Variants in PALM2AKAP2 observed in about 807,000 individuals in gnomAD.
The protein encoded by PALM2AKAP2 is PALM2 and AKAP2 fusion.
In PALM2AKAP2, 37 loss-of-function variants were observed where a neutral mutation model predicts 71.5. The observed-to-expected ratio is 0.52, with a 90% CI of 0.40 to 0.68. The LOEUF (loss-of-function observed/expected upper bound fraction) is 0.68, where lower values mean the gene tolerates loss of function less well. PALM2AKAP2 is among the 30% of genes least tolerant of loss of function. The pLI, the probability that PALM2AKAP2 is intolerant of heterozygous loss-of-function variation, is 0.00. For synonymous variants in PALM2AKAP2, 468 were observed against 478.8 expected, an observed-to-expected ratio of 0.98 and a Z score of 0.29; for missense variants, 1,224 against 1,191.8, an observed-to-expected ratio of 1.03 and a Z score of -0.40.
chr9:109,944,214 G>T (rs1424742711), intron 6 of PALM2AKAP2: 1 of 152,134 alleles, frequency 6.6e-6, no homozygotes, highest in Non-Finnish European at 1.5e-5. Context: ...AGTAGCAATT[G>T]ATCTCCAAAC....
intron 1 of PALM2AKAP2, among the ~76,000 whole-genome samples, chr9:109,823,790 G>A (rs1413243145): frequency 6.6e-6 from 1 of 152,190 alleles, no homozygotes; most frequent in African/African-American, 2.4e-5. Flanking sequence ...GTAAATAGAA[G>A]TTTGAGTGCT....
At chr9:110,012,942 C>T (rs1292453916) in intron 6 of PALM2AKAP2, among the ~76,000 whole-genome samples, 1 of 152,204 alleles carries the variant, frequency 6.6e-6, no homozygotes, top group Non-Finnish European at 1.5e-5. Flanking sequence ...ATACTTGATC[C>T]ATAATGATTT....
At chr9:109,661,625 T>C (rs953876519) in intron 1 of PALM2AKAP2, among the ~76,000 whole-genome samples, 6 of 152,226 alleles carry the variant, frequency 3.9e-5, no homozygotes, top group African/African-American at 1.4e-4. Flanking sequence ...GCTTTTTGCT[T>C]AGGATTGTCT....
At chr9:109,687,827 T>C (rs987610145) in intron 1 of PALM2AKAP2, among the ~76,000 whole-genome samples, 70 of 152,362 alleles carry the variant, frequency 4.6e-4, no homozygotes, top group African/African-American at 1.5e-3. Context: ...TAGTTATTTC[T>C]AGCTTTTGAT....
intron 1 of PALM2AKAP2, among the ~76,000 whole-genome samples, chr9:109,761,388 G>A (rs541785411): frequency 1.3e-5 from 2 of 152,072 alleles, no homozygotes; most frequent in South Asian, 2.1e-4. Flanking sequence ...TTTAAGTTTC[G>A]GGATACATGT....
chr9:110,085,228 G>C (rs753370335), intron 1 of PALM2AKAP2, among the ~76,000 whole-genome samples: 1 of 152,108 alleles, frequency 6.6e-6, no homozygotes, highest in Non-Finnish European at 1.5e-5. Context: ...CTATGTAACT[G>C]TATGTCTTTA....
At chr9:110,167,313 A>G (rs1836760750) in intron 3 of PALM2AKAP2, among the ~76,000 whole-genome samples, 1 of 152,216 alleles carries the variant, frequency 6.6e-6, no homozygotes, top group Admixed American at 6.5e-5. Flanking sequence ...TGCATAATCA[A>G]CCAATGTTGG....
intron 1 of PALM2AKAP2, among the ~76,000 whole-genome samples, chr9:109,802,402 T>TA (rs1827456934): frequency 6.6e-6 from 1 of 152,230 alleles, no homozygotes; most frequent in South Asian, 2.1e-4. Context: ...ACAAATTATG[T>TA]AGCCAGCAGT....
At chr9:110,131,380 G>A (rs1835731203) in intron 1 of PALM2AKAP2, among the ~76,000 whole-genome samples, 1 of 152,026 alleles carries the variant, frequency 6.6e-6, no homozygotes, top group South Asian at 2.1e-4. Context: ...TTTGCATTGG[G>A]GCATAGTTCA....
intron 3 of PALM2AKAP2, among the ~76,000 whole-genome samples, chr9:109,910,906 A>G (rs1421343191): frequency 1.3e-5 from 2 of 152,244 alleles, no homozygotes; most frequent in Non-Finnish European, 2.9e-5. Context: ...TTCAGCAGCA[A>G]CTAGAACAGG....
intron 1 of PALM2AKAP2, among the ~76,000 whole-genome samples, chr9:110,117,068 A>G (rs1835379541): frequency 6.6e-6 from 1 of 152,178 alleles, no homozygotes; most frequent in African/African-American, 2.4e-5. Flanking sequence ...TTACAATACT[A>G]ATACATGCTC....
intron 6 of PALM2AKAP2, among the ~76,000 whole-genome samples, chr9:109,956,026 A>C (rs1420149773): frequency 6.8e-6 from 1 of 146,798 alleles, no homozygotes. Flanking sequence ...TTTTTTTTTG[A>C]GACAGTCTCA....
At chr9:109,679,703 C>A (rs1015407789) in intron 1 of PALM2AKAP2, among the ~76,000 whole-genome samples, 1 of 152,114 alleles carries the variant, frequency 6.6e-6, no homozygotes, top group Non-Finnish European at 1.5e-5. Flanking sequence ...GGGGTATGAG[C>A]TCTCCATCAC....
intron 7 of PALM2AKAP2, among the ~76,000 whole-genome samples, chr9:110,039,065 A>G (rs1340369498): frequency 2.0e-5 from 3 of 152,076 alleles, no homozygotes; most frequent in Admixed American, 6.6e-5. Flanking sequence ...CCTGTGCAAC[A>G]TGGGGAAAGC....
At position 110,077,962 on chromosome 9, in the gene PALM2AKAP2, C is replaced by T. The variant is rs968477998; in HGVS notation, c.156+29107C>T. ...CCAGGAGGCAGAGGTTTCAGTGAGC[C>T]GAGATCGCGCTACTGCACTCCAGCC... On this transcript the variant is annotated intron_variant, in intron 1 of 3. Transcript: ENST00000374525. 1.3e-4 allele frequency among the ~76,000 whole-genome samples: 20 copies of T among 150,094 alleles called. No homozygotes were observed. In the East Asian group the frequency reaches 1.6e-3, roughly 12 times the overall value.
chr9:109,878,479 A>G (rs1035509635), intron 2 of PALM2AKAP2, among the ~76,000 whole-genome samples: 2 of 152,252 alleles, frequency 1.3e-5, no homozygotes, highest in African/African-American at 4.8e-5. Flanking sequence ...GTGCTGCAAG[A>G]GTAATCAAAG....
At chr9:110,059,577 CT>C (rs1833917704) in intron 1 of PALM2AKAP2, among the ~76,000 whole-genome samples, 1 of 152,096 alleles carries the variant, frequency 6.6e-6, no homozygotes, top group African/African-American at 2.4e-5. Context: ...TTTCATTCTC[CT>C]TTGCAAAGGA....
At chr9:110,066,700 TAAAA>T (rs569725110) in intron 1 of PALM2AKAP2, among the ~76,000 whole-genome samples, 1 of 141,466 alleles carries the variant, frequency 7.1e-6, no homozygotes. Flanking sequence ...CATTGTCTCT[TAAAA>T]AAAAAAAAAA....
intron 6 of PALM2AKAP2, among the ~76,000 whole-genome samples, chr9:109,964,374 C>CAGGCAGAGGCAGAGGCAG (rs57432670): frequency 2.0e-5 from 3 of 152,092 alleles, no homozygotes; most frequent in South Asian, 2.1e-4. Flanking sequence ...TGGGCTACTG[C>CAGGCAGAGGCAGAGGCAG]AGGCAGAGGC....
Sources: allele counts gnomAD v4.1 joint callset (sites outside exome capture counted in the v4.1 genomes callset), GRCh38; gene constraint gnomAD v4.1.1; transcripts MANE v1.5; gene names NCBI Gene and HGNC (gene_info 2026-07-23, HGNC 2026-07-21).